Variants in FOXK1 observed in about 807,000 individuals in gnomAD.
The protein encoded by FOXK1 is forkhead box protein K1.
Under a neutral mutation model 51.9 loss-of-function variants are expected in FOXK1, and 19 were observed. The ratio of observed to expected loss-of-function variants is 0.37; its 90% confidence interval spans 0.26 to 0.54. The LOEUF (loss-of-function observed/expected upper bound fraction) is 0.54. Among genes scored for constraint, FOXK1 ranks in the 20% least tolerant of loss-of-function variants. FOXK1 has a pLI of 0.87. For synonymous variants in FOXK1, 537 were observed against 482.6 expected, an observed-to-expected ratio of 1.11 and a Z score of -1.48; for missense variants, 870 against 1,032.7, an observed-to-expected ratio of 0.84 and a Z score of 2.16.
intron 1 of FOXK1, among the ~76,000 whole-genome samples, chr7:4,685,416 G>A (rs995221086): frequency 2.0e-5 from 3 of 151,534 alleles, no homozygotes; most frequent in East Asian, 3.9e-4. Context: ...GGGTTTCACC[G>A]TGTTAGCCAA....
chr7:4,748,994 C>CA lies in FOXK1; in HGVS notation c.747-5464dup, dbSNP rs1167763971. 6.6e-6 allele frequency among the ~76,000 whole-genome samples: 1 copy of CA among 152,212 alleles called. No homozygotes were observed. Among genetic ancestry groups the CA allele is most frequent in the African/African-American group, 2.4e-5 (1 of 41,458 alleles). On this transcript the variant is annotated intron_variant, in intron 2 of 8. Transcript: ENST00000328914. This position sits in a 1 kb window ranked among gnomAD's most constrained non-coding sequence, Gnocchi z 4.9. ...TCGCCTGGACCCCCAGGTTCCTGTC[C>CA]ACGCTTCTGGGACTGGCTGTGCCTG...
At chr7:4,693,732 C>G (rs530250406) in intron 1 of FOXK1, among the ~76,000 whole-genome samples, 1 of 152,236 alleles carries the variant, frequency 6.6e-6, no homozygotes, top group African/African-American at 2.4e-5. Flanking sequence ...CAGAATTTGT[C>G]TTGTTTTTTT....
intron 1 of FOXK1, among the ~76,000 whole-genome samples, chr7:4,728,120 C>G (rs900117812): frequency 3.3e-5 from 5 of 152,206 alleles, no homozygotes; most frequent in Non-Finnish European, 4.4e-5. Context: ...GGGACCGGCT[C>G]ACAAGCTTCT....
chr7:4,762,184 C>T lies in FOXK1; in HGVS notation c.1922C>T (p.Ala641Val). Reference sequence around the variant, plus strand: ...TAACCCTCTTCTTCCTCCACTCCAGCCCTCACCAGCCCTTTGCAGCTCCTT... The same window carrying T: ...TAACCCTCTTCTTCCTCCACTCCAGTCCTCACCAGCCCTTTGCAGCTCCTT... Reference protein sequence around the residue: ...PTNSLAGNAYALTSPLQLLAT... With the variant: ...PTNSLAGNAYVLTSPLQLLAT... Residue 641 changes from alanine to valine, a missense_variant and splice_region_variant, in exon 9 of 9, where the codon GCC (alanine) becomes GTC (valine). Coordinates refer to ENST00000328914, the MANE Select transcript of FOXK1 (RefSeq NM_001037165.2). The surrounding 1 kb of genome is among the most constrained non-coding windows in gnomAD (Gnocchi z 5.7). The T allele has an allele frequency of 6.5e-7, 1 of 1,548,730 alleles. No individual in the cohort carries two copies. The highest frequency in any genetic ancestry group is 8.7e-7 in the Non-Finnish European group (1 of 1,143,876).
intron 7 of FOXK1, chr7:4,760,051 T>C: frequency 6.0e-6 from 1 of 167,864 alleles, no homozygotes; most frequent in Non-Finnish European, 1.2e-5. Context: ...AACCCATGAA[T>C]CTCCGCAGAT....
intron 1 of FOXK1, among the ~76,000 whole-genome samples, chr7:4,705,308 C>T (rs1036613983): frequency 6.6e-6 from 1 of 152,108 alleles, no homozygotes; most frequent in Non-Finnish European, 1.5e-5. Context: ...CCACCTCAGC[C>T]TCCCCAGTAG....
At chr7:4,689,778 C>T (rs983574003) in intron 1 of FOXK1, among the ~76,000 whole-genome samples, 2 of 152,192 alleles carry the variant, frequency 1.3e-5, no homozygotes, top group Non-Finnish European at 2.9e-5. Context: ...AAGTCGAATG[C>T]CCCACTACGT....
rs1326594278 is a variant in FOXK1 at position 4,729,231 on chromosome 7, A to T, written c.561-11607A>T. Among the ~76,000 whole-genome samples the T allele has an allele frequency of 6.6e-6, 1 of 152,064 alleles. No homozygotes were observed. On this transcript the variant is annotated intron_variant, in intron 1 of 8. Transcript: ENST00000328914. This position sits in a 1 kb window ranked among gnomAD's most constrained non-coding sequence, Gnocchi z 6.2. ...TCCGATCCTCAGGATCCTCTTCGGG[A>T]GCAGCAGGCAGTGGCTTTCTCCTGG... is the stretch of plus-strand genomic sequence containing the variant.
chr7:4,683,438 C>T lies in FOXK1; in HGVS notation c.560+570C>T, dbSNP rs1397499731. Among the ~76,000 whole-genome samples the T allele has an allele frequency of 6.6e-6, 1 of 151,924 alleles. No individual in the cohort carries two copies. Among genetic ancestry groups the T allele is most frequent in the African/African-American group, 2.4e-5 (1 of 41,382 alleles). On this transcript the variant is annotated intron_variant, in intron 1 of 8. Coordinates refer to ENST00000328914, the MANE Select transcript of FOXK1 (RefSeq NM_001037165.2). The surrounding 1 kb of genome is among the most constrained non-coding windows in gnomAD (Gnocchi z 4.5). ...CCCACTTCCTAGGCCCCCCCGGAGT[C>T]ACCCCTGACCGCTAACCCCACAAGC...
intron 1 of FOXK1, among the ~76,000 whole-genome samples, chr7:4,698,939 C>T (rs992740570): frequency 1.3e-5 from 2 of 152,192 alleles, no homozygotes; most frequent in African/African-American, 2.4e-5. Context: ...CCACCCACCT[C>T]GGCCTCTCAA....
In FOXK1 at chr7:4,682,945, G is replaced by A. The variant is rs1583176280; in HGVS notation, c.560+77G>A. On this transcript the variant is annotated intron_variant, in intron 1 of 8. Coordinates refer to ENST00000328914, the MANE Select transcript of FOXK1 (RefSeq NM_001037165.2). This position sits in a 1 kb window ranked among gnomAD's most constrained non-coding sequence, Gnocchi z 7.6. ...TCGATCTCTGAGGCCCGGGCCTGGG[G>A]ATCCCCCTCCAGCTTCCTCGGCCTC... 7.4e-7 allele frequency: 1 copy of A among 1,345,834 alleles called. No individual in the cohort carries two copies. The highest frequency in any genetic ancestry group is 2.9e-5 in the East Asian group (1 of 34,522). The allele number at this position is 1,345,834 out of a possible 1,614,324, so 83.4% of individuals were successfully genotyped here. A position where few individuals can be genotyped will look rare whatever the true frequency, so the allele number is the denominator to read the frequency against.
In FOXK1 at chr7:4,756,871, A is replaced by T; in HGVS notation, c.1051-123A>T. The T allele has an allele frequency of 1.9e-6, 2 of 1,037,264 alleles. No homozygotes were observed. Among genetic ancestry groups the T allele is most frequent in the Non-Finnish European group, 2.8e-6 (2 of 713,694 alleles). 64.3% of individuals were successfully genotyped at this position (1,037,264 alleles called of 1,614,324 possible). On this transcript the variant is annotated intron_variant, in intron 4 of 8. Coordinates refer to ENST00000328914, the MANE Select transcript of FOXK1 (RefSeq NM_001037165.2). This position sits in a 1 kb window ranked among gnomAD's most constrained non-coding sequence, Gnocchi z 4.1. The stretch of plus-strand genomic sequence containing the variant: ...CGTGAGGCCCAGCCAGCACAGCACC[A>T]AGGGCTCTGCACAGAGGGACGGCCT...
Position 4,758,473 on chromosome 7 carries a change from C to A in FOXK1, c.1245-578C>A, listed in dbSNP as rs1283634480. On this transcript the variant is annotated intron_variant, in intron 5 of 8. Coordinates refer to ENST00000328914, the MANE Select transcript of FOXK1 (RefSeq NM_001037165.2). This position sits in a 1 kb window ranked among gnomAD's most constrained non-coding sequence, Gnocchi z 4.4. Reference sequence around the variant, plus strand: ...AGGACACGTTAACCTCTCGTGCTTCCCATTTCAAAATTCTGTTTCCAACAC... The same window carrying A: ...AGGACACGTTAACCTCTCGTGCTTCACATTTCAAAATTCTGTTTCCAACAC... 1 of 152,496 alleles carries A rather than the reference C, an allele frequency of 6.6e-6. No individual in the cohort carries two copies. Among genetic ancestry groups the A allele is most frequent in the African/African-American group, 2.4e-5 (1 of 41,466 alleles). 9.4% of individuals were successfully genotyped at this position (152,496 alleles called of 1,614,324 possible).
chr7:4,731,446 A>G lies in FOXK1; in HGVS notation c.561-9392A>G, dbSNP rs2115055155. 6.6e-6 allele frequency among the ~76,000 whole-genome samples: 1 copy of G among 152,330 alleles called. No homozygotes were observed. The highest frequency in any genetic ancestry group is 2.1e-4 in the South Asian group (1 of 4,826). On this transcript the variant is annotated intron_variant, in intron 1 of 8. Coordinates refer to ENST00000328914, the MANE Select transcript of FOXK1 (RefSeq NM_001037165.2). The surrounding 1 kb of genome is among the most constrained non-coding windows in gnomAD (Gnocchi z 5.3). ...TCATTTCTTCAAGGACATGGTAGCA[A>G]CATTTAAAGAACCTTTTGAAAAGAG...
At chr7:4,689,965 C>T (rs1779871443) in intron 1 of FOXK1, among the ~76,000 whole-genome samples, 1 of 152,178 alleles carries the variant, frequency 6.6e-6, no homozygotes, top group Non-Finnish European at 1.5e-5. Context: ...GGTGTCAGAT[C>T]AGTCTCTTTC....
chr7:4,712,911 A>G (rs1780192498), intron 1 of FOXK1, among the ~76,000 whole-genome samples: 1 of 152,118 alleles, frequency 6.6e-6, no homozygotes. Context: ...GGTGACATTT[A>G]TTTTTAAATC....
chr7:4,754,347 G>A, intron 2 of FOXK1, 112 bp from the exon 3 acceptor site: 1 of 1,257,838 alleles, frequency 8.0e-7, no homozygotes, highest in Admixed American at 2.3e-5. Context: ...AAATTGGAAA[G>A]TGTGAGCTTC....
At chr7:4,685,256 C>T (rs1277921658) in intron 1 of FOXK1, among the ~76,000 whole-genome samples, 8 of 140,846 alleles carry the variant, frequency 5.7e-5, no homozygotes, top group African/African-American at 7.9e-5. Flanking sequence ...CATGGAGTCT[C>T]GCTCTGTTGT....
chr7:4,745,489 T>TG lies in FOXK1; in HGVS notation c.746+4466_746+4467insG, dbSNP rs1780691460. Among the ~76,000 whole-genome samples the TG allele has an allele frequency of 6.6e-6, 1 of 151,854 alleles. No homozygotes were observed. Among genetic ancestry groups the TG allele is most frequent in the Non-Finnish European group, 1.5e-5 (1 of 67,950 alleles). On this transcript the variant is annotated intron_variant, in intron 2 of 8. Coordinates refer to ENST00000328914, the MANE Select transcript of FOXK1 (RefSeq NM_001037165.2). The surrounding 1 kb of genome is among the most constrained non-coding windows in gnomAD (Gnocchi z 4.3). ...GTGTGGTTTTGTGTGTGTGTGTGTG[T>TG]TTCTGATTTATTTTTTTCTGCCCTG...
Sources: allele counts gnomAD v4.1 joint callset (sites outside exome capture counted in the v4.1 genomes callset), GRCh38; gene constraint gnomAD v4.1.1; non-coding constraint Gnocchi (gnomAD v3.1); transcripts MANE v1.5; gene names NCBI Gene and HGNC (gene_info 2026-07-23, HGNC 2026-07-21).